Variants in SHROOM3 observed in about 807,000 individuals in gnomAD.
SHROOM3 encodes the protein shroom family member 3, also known as protein Shroom3.
Under a neutral mutation model 138.6 loss-of-function variants are expected in SHROOM3, and 47 were observed. The ratio of observed to expected loss-of-function variants is 0.34; its 90% CI spans 0.27 to 0.43. The LOEUF is 0.43. SHROOM3 is among the 20% of genes least tolerant of loss of function. The pLI is 1.00. For synonymous variants in SHROOM3, 1,062 were observed against 1,063.3 expected, an observed-to-expected ratio of 1.00 and a Z score of 0.02; for missense variants, 2,491 against 2,596.5, an observed-to-expected ratio of 0.96 and a Z score of 0.88.
At chr4:76,504,988 A>C (rs1043090160) in intron 1 of SHROOM3, among the ~76,000 whole-genome samples, 1 of 152,250 alleles carries the variant, frequency 6.6e-6, no homozygotes, top group Non-Finnish European at 1.5e-5. Context: ...CTAATATTTA[A>C]GCAGTTTGAT....
intron 2 of SHROOM3, among the ~76,000 whole-genome samples, chr4:76,650,835 G>A (rs893676630): frequency 2.0e-5 from 3 of 152,082 alleles, no homozygotes; most frequent in Non-Finnish European, 4.4e-5. Context: ...GAGCCACTGC[G>A]CTGGCCTCAA....
intron 2 of SHROOM3, among the ~76,000 whole-genome samples, chr4:76,653,287 G>T (rs1407579930): frequency 6.6e-6 from 1 of 151,728 alleles, no homozygotes; most frequent in Non-Finnish European, 1.5e-5. Context: ...TACTGTTTGG[G>T]GTTGGATAGT....
intron 1 of SHROOM3, among the ~76,000 whole-genome samples, chr4:76,447,079 G>A (rs895268251): frequency 1.7e-4 from 26 of 152,114 alleles, no homozygotes; most frequent in African/African-American, 6.0e-4. Context: ...TACCTGCTAG[G>A]GTCTTGGTTC....
At chr4:76,655,875 A>G (rs911760459) in intron 2 of SHROOM3, among the ~76,000 whole-genome samples, 2 of 152,170 alleles carry the variant, frequency 1.3e-5, no homozygotes, top group Non-Finnish European at 2.9e-5. Flanking sequence ...TCAGTTCTGG[A>G]CCTGGATGGA....
intron 2 of SHROOM3, among the ~76,000 whole-genome samples, chr4:76,616,757 A>T (rs1046459407): frequency 6.6e-6 from 1 of 152,194 alleles, no homozygotes; most frequent in Non-Finnish European, 1.5e-5. Context: ...GATAGTGGTG[A>T]TGGGATGCAG....
chr4:76,452,739 C>T (rs770560283), intron 1 of SHROOM3, among the ~76,000 whole-genome samples: 28 of 152,146 alleles, frequency 1.8e-4, no homozygotes, highest in Non-Finnish European at 3.8e-4. Context: ...GTTTTTGAGA[C>T]AGAGTTTCAC....
At chr4:76,773,244 GGT>G in intron 10 of SHROOM3, among the ~76,000 whole-genome samples, 1 of 151,812 alleles carries the variant, frequency 6.6e-6, no homozygotes, top group Non-Finnish European at 1.5e-5. Context: ...GTGTGTGGCG[GGT>G]GCCTGTAATC....
intron 1 of SHROOM3, among the ~76,000 whole-genome samples, chr4:76,448,666 T>G (rs888349682): frequency 6.6e-6 from 1 of 152,182 alleles, no homozygotes; most frequent in African/African-American, 2.4e-5. Flanking sequence ...CTTTTCTACC[T>G]CATGTTCCCA....
At chr4:76,773,206 C>T (rs764167238) in intron 10 of SHROOM3, among the ~76,000 whole-genome samples, 2 of 151,996 alleles carry the variant, frequency 1.3e-5, no homozygotes, top group African/African-American at 2.4e-5. Context: ...AAAACCTCCT[C>T]TCTGCTAAAA....
intron 2 of SHROOM3, among the ~76,000 whole-genome samples, chr4:76,598,191 T>C (rs917488080): frequency 7.9e-5 from 12 of 152,022 alleles, no homozygotes; most frequent in Non-Finnish European, 1.5e-4. Flanking sequence ...CACGCCTGGC[T>C]AATTTTTTGT....
chr4:76,586,598 A>T, intron 2 of SHROOM3: 2 of 468,762 alleles, frequency 4.3e-6, no homozygotes, highest in Non-Finnish European at 5.6e-6. Flanking sequence ...CTTTGTGATG[A>T]AATCACCAAG....
intron 2 of SHROOM3, among the ~76,000 whole-genome samples, chr4:76,603,371 T>C (rs932800655): frequency 3.3e-5 from 5 of 151,946 alleles, no homozygotes; most frequent in East Asian, 1.9e-4. Context: ...TGAGCCAAGA[T>C]TGGGCCACTG....
At chr4:76,498,973 A>G (rs1243077052) in intron 1 of SHROOM3, among the ~76,000 whole-genome samples, 2 of 152,306 alleles carry the variant, frequency 1.3e-5, no homozygotes. Flanking sequence ...ATTTTATGAG[A>G]AAAGAAGTGT....
At chr4:76,461,926 T>C (rs1731149866) in intron 1 of SHROOM3, among the ~76,000 whole-genome samples, 1 of 152,194 alleles carries the variant, frequency 6.6e-6, no homozygotes, top group Admixed American at 6.5e-5. Context: ...CACACCTGTA[T>C]CTTTTAAGTC....
intron 2 of SHROOM3, among the ~76,000 whole-genome samples, chr4:76,630,010 A>G (rs527948597): frequency 2.6e-4 from 39 of 152,274 alleles, no homozygotes; most frequent in African/African-American, 8.9e-4. Flanking sequence ...GTTGCAGCCA[A>G]TGACACAGGA....
At chr4:76,683,813 A>G (rs1459192333) in intron 2 of SHROOM3, among the ~76,000 whole-genome samples, 10 of 152,202 alleles carry the variant, frequency 6.6e-5, no homozygotes, top group Admixed American at 6.5e-4. Flanking sequence ...TATTATACAA[A>G]TGTAATTCAA....
At chr4:76,764,571 C>G (rs1466619677) in intron 9 of SHROOM3, among the ~76,000 whole-genome samples, 1 of 152,202 alleles carries the variant, frequency 6.6e-6, no homozygotes, top group African/African-American at 2.4e-5. Flanking sequence ...TTTTCTCCAT[C>G]TAGGAATGTC....
chr4:76,685,200 C>T (rs958566508), intron 2 of SHROOM3, among the ~76,000 whole-genome samples: 2 of 152,126 alleles, frequency 1.3e-5, no homozygotes, highest in Admixed American at 6.5e-5. Context: ...GTTCCTAAAA[C>T]TGACTTTCAA....
At chr4:76,621,328 G>T (rs929531312) in intron 2 of SHROOM3, among the ~76,000 whole-genome samples, 7 of 152,126 alleles carry the variant, frequency 4.6e-5, no homozygotes, top group Non-Finnish European at 8.8e-5. Context: ...AGCCCAGCAG[G>T]CCCAACATGT....
Sources: allele counts gnomAD v4.1 joint callset (sites outside exome capture counted in the v4.1 genomes callset), GRCh38; gene constraint gnomAD v4.1.1; transcripts MANE v1.5; gene names NCBI Gene and HGNC (gene_info 2026-07-23, HGNC 2026-07-21).